Variants in HIVEP1 observed in about 807,000 individuals in gnomAD.
HIVEP1 encodes zinc finger protein 40.
Under a neutral mutation model 180.0 loss-of-function variants are expected in HIVEP1, and 36 were observed. The ratio of observed to expected loss-of-function variants is 0.20; its 90% CI spans 0.15 to 0.26. HIVEP1 has a LOEUF of 0.26. Among genes scored for constraint, HIVEP1 ranks in the 10% least tolerant of loss-of-function variants. The probability of loss-of-function intolerance (pLI) is 1.00; values close to 1 mark genes in which losing one functional copy is unlikely to be tolerated. For missense variants in HIVEP1, 3,143 were observed against 3,268.7 expected (o/e 0.96, Z 0.94); for synonymous variants, 1,239 against 1,239.0 (o/e 1.00, Z 0.00).
chr6:12,089,566 C>G (rs961738594), intron 3 of HIVEP1, among the ~76,000 whole-genome samples: 2 of 151,172 alleles, frequency 1.3e-5, no homozygotes, highest in Admixed American at 1.3e-4. Flanking sequence ...CGTGTCCATG[C>G]ATGTGTGTTC....
chr6:12,154,862 A>G (rs1321225900), intron 7 of HIVEP1, among the ~76,000 whole-genome samples: 1 of 147,564 alleles, frequency 6.8e-6, no homozygotes, highest in South Asian at 2.2e-4. Flanking sequence ...TTTCTTTTCT[A>G]ATGTTGGTAA....
intron 3 of HIVEP1, among the ~76,000 whole-genome samples, chr6:12,108,375 G>A (rs938401628): frequency 2.6e-5 from 4 of 152,202 alleles, no homozygotes; most frequent in Admixed American, 6.5e-5. Context: ...TGCCAGTCCC[G>A]TGCACTGCGC....
chr6:12,202,552 C>G, the HIVEP1 span, among the ~76,000 whole-genome samples: 1 of 151,996 alleles, frequency 6.6e-6, no homozygotes. Flanking sequence ...CTTAATTATC[C>G]CCTGATACTT....
At chr6:12,151,312 A>G (rs1368575306) in intron 7 of HIVEP1, among the ~76,000 whole-genome samples, 1 of 152,142 alleles carries the variant, frequency 6.6e-6, no homozygotes, top group East Asian at 1.9e-4. Flanking sequence ...AACTTTTAGG[A>G]CCATTTATTT....
Position 12,124,630 on chromosome 6 carries a change from C to T in HIVEP1, c.4835C>T (p.Ser1612Leu), listed in dbSNP as rs373301856. 6.8e-6 allele frequency: 11 copies of T among 1,614,152 alleles called. No homozygotes were observed. The highest frequency in any genetic ancestry group is 2.2e-5 in the East Asian group (1 of 44,884). The change falls in exon 4 of 9, where the codon TCG becomes TTG. Residue 1612 changes from serine (S) to leucine (L), a missense_variant. Physicochemically the swap from Ser to Leu is moderately radical, Grantham distance 145. Coordinates refer to ENST00000379388, the MANE Select transcript of HIVEP1 (RefSeq NM_002114.4). ...AAATTAATTGACAGCATGTCTAATT[C>T]GCATCCTCTGCTACCACCAGAGCTC... ...PTKLIDSMSNSHPLLPPELRP... is the reference protein window; with the variant it reads ...PTKLIDSMSNLHPLLPPELRP...
the HIVEP1 span, among the ~76,000 whole-genome samples, chr6:12,172,634 T>TA: frequency 3.9e-5 from 6 of 152,286 alleles, no homozygotes; most frequent in African/African-American, 4.8e-5. Flanking sequence ...AGTGTTTTAT[T>TA]AAAAAAACTC....
chr6:12,031,222 T>G (rs1768917084), intron 2 of HIVEP1, among the ~76,000 whole-genome samples: 1 of 152,204 alleles, frequency 6.6e-6, no homozygotes, highest in Admixed American at 6.5e-5. Context: ...ACATCTGTCC[T>G]GGCTTTAACT....
the HIVEP1 span, among the ~76,000 whole-genome samples, chr6:12,188,857 T>A: frequency 6.6e-6 from 1 of 151,962 alleles, no homozygotes; most frequent in Non-Finnish European, 1.5e-5. Context: ...AATTCTAAGT[T>A]CAGTGGAAAA....
intron 2 of HIVEP1, among the ~76,000 whole-genome samples, chr6:12,017,719 C>T (rs138896366): frequency 0.044 from 6,762 of 152,272 alleles, 194 homozygotes; most frequent in Middle Eastern, 0.15. Context: ...CTCCAGGTCC[C>T]CACTAGATTA....
chr6:12,090,009 A>G (rs1395122619), intron 3 of HIVEP1, among the ~76,000 whole-genome samples: 10 of 152,240 alleles, frequency 6.6e-5, no homozygotes, highest in South Asian at 4.1e-4. Flanking sequence ...ACCAGCTGCA[A>G]TGGGTGTAAT....
downstream of HIVEP1, chr6:12,165,089 C>T (rs1336955204): frequency 2.0e-6 from 1 of 507,350 alleles, no homozygotes; most frequent in Non-Finnish European, 3.9e-6. Flanking sequence ...TTTCCACATT[C>T]CCCTCAACCC....
At chr6:12,169,456 C>A (rs1296547857), downstream of HIVEP1, among the ~76,000 whole-genome samples, 1 of 152,092 alleles carries the variant, frequency 6.6e-6, no homozygotes, top group Non-Finnish European at 1.5e-5. Flanking sequence ...CCCAGACATC[C>A]AAAATCCAGT....
intron 7 of HIVEP1, among the ~76,000 whole-genome samples, chr6:12,145,437 C>A (rs746532240): frequency 2.1e-4 from 31 of 150,942 alleles, no homozygotes; most frequent in Non-Finnish European, 3.4e-4. Flanking sequence ...TTTATGGGTG[C>A]AGCAAACCAA....
chr6:12,140,060 G>C (rs950366475), intron 7 of HIVEP1, among the ~76,000 whole-genome samples: 7 of 152,222 alleles, frequency 4.6e-5, no homozygotes, highest in Admixed American at 3.9e-4. Flanking sequence ...CCCCCGTGTA[G>C]CCTAACTAGG....
At chr6:12,052,749 A>AC (rs1770621162) in intron 2 of HIVEP1, among the ~76,000 whole-genome samples, 1 of 152,192 alleles carries the variant, frequency 6.6e-6, no homozygotes, top group Non-Finnish European at 1.5e-5. Flanking sequence ...TTCCCAGTGT[A>AC]CCTTGTTACC....
chr6:12,041,047 A>G (rs189495786), intron 2 of HIVEP1, among the ~76,000 whole-genome samples: 2 of 152,186 alleles, frequency 1.3e-5, no homozygotes, highest in African/African-American at 4.8e-5. Flanking sequence ...TATCCAAACT[A>G]TCAGTCGGTC....
At position 12,124,404 on chromosome 6, in the gene HIVEP1, G is replaced by A; in HGVS notation, c.4609G>A (p.Gly1537Ser). ...GCTATCTCTGCAAGTGTCTACGCAG[G>A]GTAGCAAGCCAGATAAAAATTCTGT... ...TQLSLQVSTQ[G>S]SKPDKNSVLS... The change falls in exon 4 of 9, where the codon GGT (glycine) becomes AGT (serine). Residue 1537 changes from glycine to serine, a missense_variant. By Grantham distance (56) the Gly-to-Ser change is moderately conservative. This residue lies in a region of HIVEP1 where 1,357 missense variants were observed against 1,260.5 expected (regional missense o/e 1.08). Transcript: ENST00000379388. The A allele has an allele frequency of 6.2e-7, 1 of 1,613,994 alleles. No homozygotes were observed. Among genetic ancestry groups the A allele is most frequent in the African/African-American group, 1.3e-5 (1 of 74,978 alleles).
chr6:12,018,017 G>A (rs4714115), intron 2 of HIVEP1, among the ~76,000 whole-genome samples: 66,333 of 152,168 alleles, frequency 0.44, 16,494 homozygotes, highest in Non-Finnish European at 0.56. Context: ...AGCCCATGGC[G>A]TGGGGGGTGC....
At chr6:12,130,398 C>G (rs576423877) in intron 5 of HIVEP1, among the ~76,000 whole-genome samples, 7 of 152,288 alleles carry the variant, frequency 4.6e-5, no homozygotes, top group African/African-American at 9.6e-5. Context: ...AGTAGTGCAG[C>G]GCAGTGGTGC....
Sources: allele counts gnomAD v4.1 joint callset (sites outside exome capture counted in the v4.1 genomes callset), GRCh38; gene constraint gnomAD v4.1.1; regional missense constraint gnomAD v4.1.1; transcripts MANE v1.5; gene names NCBI Gene and HGNC (gene_info 2026-07-23, HGNC 2026-07-21).